The following RAD51B variants were observed in gnomAD, a reference collection of about 807,000 sequenced individuals.
The protein encoded by RAD51B is RAD51 paralog B.
In RAD51B, 38 loss-of-function variants were observed where a neutral mutation model predicts 42.2. The ratio of observed to expected loss-of-function variants is 0.90; its 90% CI spans 0.70 to 1.18. The LOEUF is 1.18. RAD51B is among the 50% of genes most tolerant of loss of function. The probability of loss-of-function intolerance (pLI) is 0.00; values close to 1 mark genes in which losing one functional copy is unlikely to be tolerated. For missense variants in RAD51B, 373 were observed against 400.7 expected (o/e 0.93, Z 0.59); for synonymous variants, 154 against 145.2 (o/e 1.06, Z -0.43).
intron 10 of RAD51B, chr14:68,562,557 T>C: frequency 1.0e-6 from 1 of 985,446 alleles, no homozygotes; most frequent in Non-Finnish European, 1.2e-6. Flanking sequence ...CGTGGCAAAC[T>C]AACTCCTTTT....
intron 7 of RAD51B, among the ~76,000 whole-genome samples, chr14:67,993,911 A>G (rs2075339133): frequency 6.6e-6 from 1 of 152,176 alleles, no homozygotes; most frequent in Non-Finnish European, 1.5e-5. Context: ...CTGATTTTTA[A>G]CGCTGTATGC....
chr14:68,276,210 G>A (rs2081220986), intron 7 of RAD51B, among the ~76,000 whole-genome samples: 1 of 151,958 alleles, frequency 6.6e-6, no homozygotes, highest in South Asian at 2.1e-4. Flanking sequence ...CATAATATAG[G>A]GGCCTCTTCT....
intron 7 of RAD51B, among the ~76,000 whole-genome samples, chr14:68,260,902 G>C (rs2080874734): frequency 6.6e-6 from 1 of 152,200 alleles, no homozygotes; most frequent in African/African-American, 2.4e-5. Context: ...TAGATAATAA[G>C]GTCTTAAAAA....
At chr14:68,662,242 C>T (rs914696935) in intron 11 of RAD51B, among the ~76,000 whole-genome samples, 1 of 152,254 alleles carries the variant, frequency 6.6e-6, no homozygotes, top group African/African-American at 2.4e-5. Flanking sequence ...AGTCAACACA[C>T]ACCCCTGAGT....
At chr14:68,357,226 C>A (rs1033406124) in intron 8 of RAD51B, among the ~76,000 whole-genome samples, 1 of 152,204 alleles carries the variant, frequency 6.6e-6, no homozygotes, top group Non-Finnish European at 1.5e-5. Context: ...TAGATTCCAT[C>A]TCAAGAGACC....
intron 8 of RAD51B, among the ~76,000 whole-genome samples, chr14:68,371,871 G>T (rs1164757991): frequency 6.6e-6 from 1 of 152,208 alleles, no homozygotes; most frequent in Non-Finnish European, 1.5e-5. Context: ...TAAATAAGAA[G>T]AGAAAGATAT....
chr14:68,674,739 T>G (rs1161282519), intron 11 of RAD51B, among the ~76,000 whole-genome samples: 1 of 152,142 alleles, frequency 6.6e-6, no homozygotes, highest in East Asian at 1.9e-4. Context: ...CACAGGGGTA[T>G]GTGTGTAATG....
chr14:68,467,143 C>T (rs1488978943), intron 9 of RAD51B, among the ~76,000 whole-genome samples: 1 of 152,120 alleles, frequency 6.6e-6, no homozygotes, highest in African/African-American at 2.4e-5. Context: ...AGTAGAAATA[C>T]TATAATAAAA....
At chr14:68,631,704 GC>G (rs1892231464) in intron 10 of RAD51B, among the ~76,000 whole-genome samples, 1 of 152,216 alleles carries the variant, frequency 6.6e-6, no homozygotes, top group Non-Finnish European at 1.5e-5. Context: ...GTCACTGGCA[GC>G]CTTTGCACGG....
chr14:68,076,377 T>C (rs1219231219), intron 7 of RAD51B, among the ~76,000 whole-genome samples: 2 of 152,144 alleles, frequency 1.3e-5, no homozygotes, highest in Non-Finnish European at 2.9e-5. Context: ...CAAGAACAGG[T>C]AAGAATGAGT....
At chr14:68,562,981 C>G (rs1566938593) in intron 10 of RAD51B, 1 of 985,460 alleles carries the variant, frequency 1.0e-6, no homozygotes, top group African/African-American at 1.7e-5. Flanking sequence ...AAGGCCCGGG[C>G]TGCTGCCGGT....
intron 7 of RAD51B, among the ~76,000 whole-genome samples, chr14:68,191,980 A>C (rs1164686499): frequency 6.6e-6 from 1 of 152,144 alleles, no homozygotes; most frequent in Admixed American, 6.5e-5. Context: ...ACTCAGATTC[A>C]CCTTTATACC....
At chr14:68,222,000 C>T (rs1429577063) in intron 7 of RAD51B, among the ~76,000 whole-genome samples, 1 of 152,182 alleles carries the variant, frequency 6.6e-6, no homozygotes, top group Non-Finnish European at 1.5e-5. Context: ...TACCACCTCA[C>T]TCCTGCAAGA....
chr14:68,044,618 A>C (rs1296902325), intron 7 of RAD51B, among the ~76,000 whole-genome samples: 2 of 152,218 alleles, frequency 1.3e-5, no homozygotes, highest in East Asian at 3.9e-4. Flanking sequence ...TATAATAAAA[A>C]TTTATGTTTT....
intron 10 of RAD51B, among the ~76,000 whole-genome samples, chr14:68,585,997 AAGC>A (rs1890448823): frequency 6.6e-6 from 1 of 152,178 alleles, no homozygotes; most frequent in Admixed American, 6.5e-5. Context: ...AGGCCCTGCA[AAGC>A]ATCCACGGCA....
intron 10 of RAD51B, among the ~76,000 whole-genome samples, chr14:68,574,335 G>A (rs1019133213): frequency 1.3e-5 from 2 of 152,046 alleles, no homozygotes; most frequent in Admixed American, 6.6e-5. Context: ...CGATCCACCC[G>A]CCTTGGCCTC....
At chr14:68,341,109 A>C in intron 8 of RAD51B, among the ~76,000 whole-genome samples, 1 of 152,264 alleles carries the variant, frequency 6.6e-6, no homozygotes, top group East Asian at 1.9e-4. Context: ...AATGTTAATG[A>C]CTAAATTAGA....
intron 9 of RAD51B, among the ~76,000 whole-genome samples, chr14:68,453,497 G>A (rs142438612): frequency 9.8e-4 from 150 of 152,292 alleles, no homozygotes; most frequent in African/African-American, 3.3e-3. Flanking sequence ...AATATATGAA[G>A]TAGCTGAACC....
At chr14:68,270,594 G>A (rs1441551642) in intron 7 of RAD51B, among the ~76,000 whole-genome samples, 3 of 152,228 alleles carry the variant, frequency 2.0e-5, no homozygotes, top group African/African-American at 7.2e-5. Context: ...CTGTTATGCA[G>A]TGTAATTTTA....
Sources: allele counts gnomAD v4.1 joint callset (sites outside exome capture counted in the v4.1 genomes callset), GRCh38; gene constraint gnomAD v4.1.1; transcripts MANE v1.5; gene names NCBI Gene and HGNC (gene_info 2026-07-23, HGNC 2026-07-21).